PHLPP1: variants seen among roughly 807,000 people sequenced by gnomAD.
The protein encoded by PHLPP1 is PH domain and leucine rich repeat protein phosphatase 1.
PHLPP1 carries 42 observed loss-of-function variants against 117.2 expected under a neutral mutation model. That is an observed-to-expected ratio of 0.36 (90% CI 0.28 to 0.46). The LOEUF (loss-of-function observed/expected upper bound fraction) is 0.46. PHLPP1 is among the 20% of genes least tolerant of loss of function. The probability of loss-of-function intolerance (pLI) is 1.00; values close to 1 mark genes in which losing one functional copy is unlikely to be tolerated. For synonymous variants in PHLPP1, 1,042 were observed against 970.7 expected (o/e 1.07, Z -1.37); for missense variants, 2,084 against 2,241.9 (o/e 0.93, Z 1.42).
chr18:62,863,049 C>CTT (rs11318520), intron 4 of PHLPP1, among the ~76,000 whole-genome samples: 1 of 141,866 alleles, frequency 7.0e-6, no homozygotes, highest in Non-Finnish European at 1.5e-5. Flanking sequence ...CTGTGGTATT[C>CTT]TTTTTTTTTT....
In PHLPP1 at chr18:62,725,200, AAT is replaced by A. The variant is rs1274892325; in HGVS notation, c.1576+7943_1576+7944del. Among the ~76,000 whole-genome samples, 3 of 152,124 alleles carry A rather than the reference AAT, an allele frequency of 2.0e-5. No individual in the cohort carries two copies. The East Asian group carries it at 5.8e-4, about 29-fold the overall frequency. ...ATGGTGAAACCCTGTCTCTACTAAA[AAT>A]ACAAAAAATTAGCTGGGCCTAGTGG... is the stretch of plus-strand genomic sequence containing the variant. On this transcript the variant is annotated intron_variant, in intron 1 of 16. Coordinates refer to ENST00000262719, the MANE Select transcript of PHLPP1 (RefSeq NM_194449.4).
chr18:62,935,948 A>G (rs1909955824), intron 10 of PHLPP1, among the ~76,000 whole-genome samples: 1 of 152,236 alleles, frequency 6.6e-6, no homozygotes, highest in South Asian at 2.1e-4. Flanking sequence ...GGTTGCAGTG[A>G]GCCGAGATCA....
At chr18:62,971,290 G>A (rs566936782) in intron 14 of PHLPP1, among the ~76,000 whole-genome samples, 5 of 151,440 alleles carry the variant, frequency 3.3e-5, no homozygotes, top group East Asian at 1.9e-4. Context: ...CTCTTCTTTC[G>A]AAGACTCCAA....
chr18:62,821,936 AT>A (rs1303772150), intron 1 of PHLPP1, among the ~76,000 whole-genome samples: 1 of 151,776 alleles, frequency 6.6e-6, no homozygotes, highest in Non-Finnish European at 1.5e-5. Flanking sequence ...ACAAAAAAAA[AT>A]TTTTTTTAAT....
intron 1 of PHLPP1, among the ~76,000 whole-genome samples, chr18:62,783,234 T>C (rs1024273876): frequency 2.8e-4 from 41 of 148,542 alleles, no homozygotes; most frequent in African/African-American, 8.8e-4. Context: ...TTTTTCTTTT[T>C]TTTTTTTTTT....
chr18:62,839,975 A>T (rs146642410), intron 3 of PHLPP1: 2 of 151,752 alleles, frequency 1.3e-5, no homozygotes, highest in Non-Finnish European at 2.9e-5. Context: ...TTGTTTTTGA[A>T]ATGACAAAAT....
At chr18:62,892,381 A>T (rs530965894) in intron 4 of PHLPP1, among the ~76,000 whole-genome samples, 3 of 151,134 alleles carry the variant, frequency 2.0e-5, no homozygotes, top group Admixed American at 6.6e-5. Flanking sequence ...GAGTCACCAC[A>T]CCCGGCCAGA....
At chr18:62,920,893 T>C (rs1387459222) in intron 10 of PHLPP1, among the ~76,000 whole-genome samples, 1 of 152,226 alleles carries the variant, frequency 6.6e-6, no homozygotes, top group Non-Finnish European at 1.5e-5. Context: ...TTCTTATCTT[T>C]ATCATAATTA....
At chr18:62,944,661 A>G (rs1351285116) in intron 11 of PHLPP1, among the ~76,000 whole-genome samples, 1 of 152,200 alleles carries the variant, frequency 6.6e-6, no homozygotes. Flanking sequence ...TTATCTTAAT[A>G]TGAACTATAG....
intron 3 of PHLPP1, among the ~76,000 whole-genome samples, chr18:62,844,932 C>T (rs895784683): frequency 2.6e-5 from 4 of 152,160 alleles, no homozygotes; most frequent in Admixed American, 6.5e-5. Flanking sequence ...TTTCTAAGTT[C>T]AGCATTTTGA....
In PHLPP1 at chr18:62,775,103, C is replaced by CT. The variant is rs1005784612; in HGVS notation, c.1577-54924dup. On this transcript the variant is annotated intron_variant, in intron 1 of 16. Coordinates refer to ENST00000262719, the MANE Select transcript of PHLPP1 (RefSeq NM_194449.4). ...ATCTGTGGGACACTAATAAAGCATT[C>CT]TTTTTTTTCTTGGAGACGGAATCTC... 2.2e-3 allele frequency among the ~76,000 whole-genome samples: 337 copies of CT among 152,008 alleles called. 2 individuals carry two copies. Among genetic ancestry groups the CT allele is most frequent in the Non-Finnish European group, 4.1e-4 (28 of 67,940 alleles).
Position 62,716,491 on chromosome 18 carries a change from C to T in PHLPP1, c.808C>T (p.Arg270Trp). 8.3e-7 allele frequency: 1 copy of T among 1,211,600 alleles called. No individual in the cohort carries two copies. Among genetic ancestry groups the T allele is most frequent in the Non-Finnish European group, 1.0e-6 (1 of 976,802 alleles). 75.1% of individuals were successfully genotyped at this position (1,211,600 alleles called of 1,614,324 possible). ...PAEPPPEAGP[R>W]LAPPEPRDSE... The stretch of plus-strand genomic sequence containing the variant: ...TGAACCGCCCCCCGAGGCCGGCCCC[C>T]GGCTGGCGCCCCCGGAGCCGCGGGA... The change falls in exon 1 of 17, where the codon CGG becomes TGG. Residue 270 changes from arginine to tryptophan, a missense_variant. By Grantham distance (101) the Arg-to-Trp change is moderately radical. Around this residue, in one of 2 missense-constraint regions of PHLPP1, gnomAD observed 719 missense variants for 636.0 expected, o/e 1.13. Coordinates refer to ENST00000262719, the MANE Select transcript of PHLPP1 (RefSeq NM_194449.4). This position sits in a 1 kb window ranked among gnomAD's most constrained non-coding sequence, Gnocchi z 5.7.
At chr18:62,768,525 C>T (rs954601965) in intron 1 of PHLPP1, among the ~76,000 whole-genome samples, 1 of 152,194 alleles carries the variant, frequency 6.6e-6, no homozygotes. Flanking sequence ...GTTTCTTTAA[C>T]AACCATACCT....
At chr18:62,852,366 T>C (rs889217324) in intron 3 of PHLPP1, among the ~76,000 whole-genome samples, 4 of 151,994 alleles carry the variant, frequency 2.6e-5, no homozygotes, top group African/African-American at 7.2e-5. Flanking sequence ...TTTTTTGAGA[T>C]GGAGTCTCAC....
chr18:62,957,246 C>A (rs62100183), intron 12 of PHLPP1, among the ~76,000 whole-genome samples: 57 of 152,200 alleles, frequency 3.7e-4, no homozygotes, highest in African/African-American at 1.3e-3. Context: ...AACACAAGGG[C>A]AGCCCCTCTT....
chr18:62,721,669 AT>A (rs1179193335), intron 1 of PHLPP1, among the ~76,000 whole-genome samples: 1 of 152,112 alleles, frequency 6.6e-6, no homozygotes, highest in Non-Finnish European at 1.5e-5. Flanking sequence ...TTTCATAGTT[AT>A]TCCTAAATTC....
At chr18:62,820,301 A>T (rs1273901038) in intron 1 of PHLPP1, among the ~76,000 whole-genome samples, 2 of 152,250 alleles carry the variant, frequency 1.3e-5, no homozygotes, top group East Asian at 3.8e-4. Context: ...AGACAAAATT[A>T]TTAAAAATAT....
At chr18:62,881,280 G>T (rs1449885705) in intron 4 of PHLPP1, among the ~76,000 whole-genome samples, 9 of 151,958 alleles carry the variant, frequency 5.9e-5, no homozygotes, top group Middle Eastern at 3.2e-3. Context: ...TTTAATTAAA[G>T]AATTTTTCTC....
At chr18:62,880,208 T>TG (rs976296426) in intron 4 of PHLPP1, among the ~76,000 whole-genome samples, 7 of 145,984 alleles carry the variant, frequency 4.8e-5, no homozygotes, top group African/African-American at 1.8e-4. Flanking sequence ...GTGTTAGGGT[T>TG]TTTTTTTTTT....
Sources: gnomAD v4.1 joint callset for allele counts (sites outside exome capture counted in the v4.1 genomes callset) on GRCh38, gnomAD v4.1.1 for gene constraint, gnomAD v4.1.1 regional missense constraint, Gnocchi (gnomAD v3.1) non-coding constraint, MANE v1.5 for transcripts, NCBI Gene and HGNC (gene_info 2026-07-23, HGNC 2026-07-21) for gene names.